SLC24A3: variants seen among roughly 807,000 people sequenced by gnomAD.
The protein encoded by SLC24A3 is solute carrier family 24 member 3, also known as sodium/potassium/calcium exchanger 3.
In SLC24A3, 28 loss-of-function variants were observed where a neutral mutation model predicts 75.8. The observed-to-expected ratio is 0.37, with a 90% confidence interval of 0.27 to 0.51. SLC24A3 has a LOEUF of 0.51. Among genes scored for constraint, SLC24A3 ranks in the 20% least tolerant of loss-of-function variants. The pLI is 0.94. For synonymous variants in SLC24A3, 372 were observed against 334.1 expected, an observed-to-expected ratio of 1.11 and a Z score of -1.24; for missense variants, 663 against 847.8, an observed-to-expected ratio of 0.78 and a Z score of 2.71.
chr20:19,276,649 A>C (rs1017177833), intron 1 of SLC24A3, among the ~76,000 whole-genome samples: 8 of 152,340 alleles, frequency 5.3e-5, no homozygotes, highest in Admixed American at 4.6e-4. Context: ...TCGTGCGTAT[A>C]ATCCCAGCAC....
At chr20:19,279,465 C>T (rs1313291154) in intron 1 of SLC24A3, among the ~76,000 whole-genome samples, 1 of 152,202 alleles carries the variant, frequency 6.6e-6, no homozygotes, top group Non-Finnish European at 1.5e-5. Flanking sequence ...TTCATCTTAC[C>T]TGATCTGTCC....
At chr20:19,430,404 G>A (rs1227142722) in intron 2 of SLC24A3, among the ~76,000 whole-genome samples, 3 of 152,092 alleles carry the variant, frequency 2.0e-5, no homozygotes, top group Admixed American at 6.6e-5. Context: ...AATAAAGGAA[G>A]GAGGGAAGTT....
chr20:19,374,042 C>T (rs4814845), intron 2 of SLC24A3, among the ~76,000 whole-genome samples: 53,341 of 152,018 alleles, frequency 0.35, 10,214 homozygotes, highest in Middle Eastern at 0.55. Flanking sequence ...CATTTTGTAA[C>T]GTAGCATAGG....
intron 1 of SLC24A3, among the ~76,000 whole-genome samples, chr20:19,264,974 T>C (rs1316872990): frequency 6.6e-6 from 1 of 152,202 alleles, no homozygotes; most frequent in African/African-American, 2.4e-5. Flanking sequence ...TGCTTTCCAC[T>C]TTCTTTCACT....
intron 15 of SLC24A3, 140 bp downstream of exon 15, chr20:19,698,820 T>C: frequency 2.9e-6 from 2 of 691,232 alleles, no homozygotes; most frequent in Non-Finnish European, 5.0e-6. Context: ...ATTCTCCTTG[T>C]CAAAGGCCTT....
At position 19,339,869 on chromosome 20, in the gene SLC24A3, G is replaced by C. The variant is rs181936883; in HGVS notation, c.271+58782G>C. Among the ~76,000 whole-genome samples the C allele has an allele frequency of 1.3e-4, 20 of 152,320 alleles. No individual in the cohort carries two copies. In the East Asian group the frequency reaches 3.5e-3, roughly 26 times the overall value. ...AAGGGAGGAAGGCAGAGGAATTCTA[G>C]AAGGAAAATGAGTGAGTTCCATATA... On this transcript the variant is annotated intron_variant, in intron 2 of 16. Coordinates refer to ENST00000328041, the MANE Select transcript of SLC24A3 (RefSeq NM_020689.4).
At chr20:19,285,204 G>A (rs527388514) in intron 2 of SLC24A3, among the ~76,000 whole-genome samples, 18 of 152,228 alleles carry the variant, frequency 1.2e-4, no homozygotes, top group Admixed American at 7.8e-4. Flanking sequence ...GGCACTGGGC[G>A]CGGTGACTCA....
At chr20:19,600,329 G>C (rs184218905) in intron 6 of SLC24A3, among the ~76,000 whole-genome samples, 20 of 152,252 alleles carry the variant, frequency 1.3e-4, no homozygotes, top group African/African-American at 2.9e-4. Context: ...TCATATGAAG[G>C]CTTCAGGAGG....
At chr20:19,259,105 A>C (rs1982906084) in intron 1 of SLC24A3, among the ~76,000 whole-genome samples, 1 of 152,206 alleles carries the variant, frequency 6.6e-6, no homozygotes, top group Admixed American at 6.5e-5. Flanking sequence ...GAGCCAAGTT[A>C]TTTCATGGAT....
chr20:19,514,214 A>G (rs1476981986), intron 2 of SLC24A3, among the ~76,000 whole-genome samples: 1 of 152,202 alleles, frequency 6.6e-6, no homozygotes, highest in African/African-American at 2.4e-5. Context: ...TGGATGTCTC[A>G]GAGGTCATCC....
intron 2 of SLC24A3, among the ~76,000 whole-genome samples, chr20:19,439,699 T>C (rs750274979): frequency 4.6e-5 from 7 of 152,216 alleles, no homozygotes; most frequent in African/African-American, 7.2e-5. Context: ...ATTATGTCTG[T>C]ATAAAGTCAG....
At chr20:19,612,015 G>A (rs1408102583) in intron 6 of SLC24A3, among the ~76,000 whole-genome samples, 1 of 152,138 alleles carries the variant, frequency 6.6e-6, no homozygotes, top group Non-Finnish European at 1.5e-5. Flanking sequence ...TTCTGACAAT[G>A]TTCCTTCTCT....
At chr20:19,720,906 C>G in intron 16 of SLC24A3, 85 bp from the exon 17 acceptor site, 2 of 1,530,578 alleles carry the variant, frequency 1.3e-6, no homozygotes, top group African/African-American at 1.4e-5. Flanking sequence ...GCAGCCCTTC[C>G]CCGGGTCCCC....
chr20:19,563,401 G>T (rs2122613280), intron 3 of SLC24A3, among the ~76,000 whole-genome samples: 1 of 152,256 alleles, frequency 6.6e-6, no homozygotes, highest in South Asian at 2.1e-4. Context: ...AAATAACAAT[G>T]AAAGGAAAAT....
chr20:19,542,953 C>G (rs2030526731), intron 3 of SLC24A3, among the ~76,000 whole-genome samples: 1 of 152,150 alleles, frequency 6.6e-6, no homozygotes, highest in African/African-American at 2.4e-5. Flanking sequence ...AGCATCTGTA[C>G]AATGGGGATA....
intron 2 of SLC24A3, among the ~76,000 whole-genome samples, chr20:19,338,829 C>A (rs956133174): frequency 4.6e-5 from 7 of 152,268 alleles, no homozygotes; most frequent in Admixed American, 4.6e-4. Context: ...GGAATAAGCC[C>A]TCACTCAATG....
At chr20:19,290,760 G>T (rs984212405) in intron 2 of SLC24A3, among the ~76,000 whole-genome samples, 1 of 152,146 alleles carries the variant, frequency 6.6e-6, no homozygotes, top group African/African-American at 2.4e-5. Context: ...TAGAATAGCT[G>T]GGCTTGCAAG....
chr20:19,397,046 G>A (rs1986465372), intron 2 of SLC24A3, among the ~76,000 whole-genome samples: 2 of 152,200 alleles, frequency 1.3e-5, no homozygotes, highest in South Asian at 4.1e-4. Context: ...AATATTGGAG[G>A]TAGCAAACAC....
chr20:19,303,137 A>AG (rs1180125022), intron 2 of SLC24A3, among the ~76,000 whole-genome samples: 1 of 152,116 alleles, frequency 6.6e-6, no homozygotes, highest in East Asian at 1.9e-4. Flanking sequence ...CCCAATAGGT[A>AG]GTTTTTCTGA....
Sources: allele counts gnomAD v4.1 joint callset (sites outside exome capture counted in the v4.1 genomes callset), GRCh38; gene constraint gnomAD v4.1.1; transcripts MANE v1.5; gene names NCBI Gene and HGNC (gene_info 2026-07-23, HGNC 2026-07-21).